The following SS18L2 variants were observed in gnomAD, a reference collection of about 807,000 sequenced individuals.
SS18L2 encodes SS18 like 2, also known as SS18-like protein 2.
In SS18L2, 8 loss-of-function variants were observed where a neutral mutation model predicts 10.3. The observed-to-expected ratio is 0.78, with a 90% CI of 0.46 to 1.41. SS18L2 has a LOEUF of 1.41. Among genes scored for constraint, SS18L2 ranks in the 40% most tolerant of loss-of-function variants. SS18L2 has a pLI of 0.00. For missense variants in SS18L2, 100 were observed against 96.2 expected (o/e 1.04, Z -0.17); for synonymous variants, 41 against 34.6 (o/e 1.19, Z -0.65).
chr3:42,593,410 C>A (rs969678222), intron 2 of SS18L2, among the ~76,000 whole-genome samples: 1 of 152,130 alleles, frequency 6.6e-6, no homozygotes, highest in African/African-American at 2.4e-5. Flanking sequence ...GAGCAAGACT[C>A]CGTCTCAATA....
upstream of SS18L2, among the ~76,000 whole-genome samples, chr3:42,588,861 G>A (rs1704711099): frequency 6.6e-6 from 1 of 152,144 alleles, no homozygotes; most frequent in East Asian, 1.9e-4. Context: ...TCCTGAGGAG[G>A]AAGCCTGATG....
chr3:42,587,483 C>CT (rs1299324778), upstream of SS18L2: 3 of 151,980 alleles, frequency 2.0e-5, no homozygotes, highest in African/African-American at 7.3e-5. Context: ...AATCCCAGCA[C>CT]TTTGGGAGGC....
In SS18L2 at chr3:42,591,384, G is replaced by A. The variant is rs1452863196; in HGVS notation, c.70-141G>A. 3.0e-5 allele frequency: 19 copies of A among 643,194 alleles called. No individual in the cohort carries two copies. The South Asian group carries it at 3.0e-4, about 10-fold the overall frequency. 39.8% of individuals were successfully genotyped at this position (643,194 alleles called of 1,614,324 possible). A position where few individuals can be genotyped will look rare whatever the true frequency, so the allele number is the denominator to read the frequency against. On this transcript the variant is annotated intron_variant, in intron 1 of 2. Coordinates refer to ENST00000011691, the MANE Select transcript of SS18L2 (RefSeq NM_001370300.1). ...CGGCTAATTTTTGTATTTTTAGTAT[G>A]GGGTTTCCCCATGTTGGCCAGGCTA...
At chr3:42,589,695 C>T (rs908338892), upstream of SS18L2, among the ~76,000 whole-genome samples, 6 of 152,178 alleles carry the variant, frequency 3.9e-5, no homozygotes, top group African/African-American at 1.4e-4. Context: ...TTGCGCGCTC[C>T]TAATGAGAAT....
chr3:42,582,807 A>C (rs184627470), intron 1 of SS18L2, among the ~76,000 whole-genome samples: 8 of 152,206 alleles, frequency 5.3e-5, no homozygotes, highest in Non-Finnish European at 1.0e-4. Context: ...TAGCATGTAT[A>C]TAAGAACTCT....
upstream of SS18L2, chr3:42,590,853 G>A (rs373711202): frequency 4.5e-5 from 72 of 1,603,532 alleles, no homozygotes; most frequent in African/African-American, 6.7e-5. Flanking sequence ...CCCACCTATC[G>A]TGGGTCGAGT....
chr3:42,595,015 A>C lies in SS18L2; in HGVS notation c.*506A>C, dbSNP rs1478307367. ...TAAAATACTGATGTGGAGGTATAGA[A>C]GTTTTCATGTAATAAGTATTCCATT... On this transcript the variant is annotated 3_prime_UTR_variant, in exon 3 of 3. Transcript: ENST00000011691. The C allele has an allele frequency of 1.3e-5, 2 of 152,426 alleles. No individual in the cohort carries two copies. Among genetic ancestry groups the C allele is most frequent in the African/African-American group, 4.8e-5 (2 of 41,466 alleles). The allele number at this position is 152,426 out of a possible 1,614,324, so 9.4% of individuals were successfully genotyped here.
At chr3:42,594,088 T>G (rs1340252240) in intron 2 of SS18L2, among the ~76,000 whole-genome samples, 1 of 152,200 alleles carries the variant, frequency 6.6e-6, no homozygotes, top group Non-Finnish European at 1.5e-5. Flanking sequence ...AGGTTTTGAA[T>G]AGACATATAA....
intron 1 of SS18L2, among the ~76,000 whole-genome samples, chr3:42,585,374 C>T (rs1159228039): frequency 6.6e-6 from 1 of 152,160 alleles, no homozygotes; most frequent in African/African-American, 2.4e-5. Flanking sequence ...CTTTCTCTTC[C>T]AGTCCTCTTC....
chr3:42,594,545 T>G lies in SS18L2; in HGVS notation c.*36T>G, dbSNP rs1704971925. 2 of 1,559,386 alleles carry G rather than the reference T, an allele frequency of 1.3e-6. No individual in the cohort carries two copies. Among genetic ancestry groups the G allele is most frequent in the Admixed American group, 1.7e-5 (1 of 59,762 alleles). ...GCAATAGAATAATCTTCCATTTGGC[T>G]GTCGTGAGGAGTAATTGAATGTAAT... On this transcript the variant is annotated 3_prime_UTR_variant, in exon 3 of 3. Transcript: ENST00000011691.
rs776899700 is a variant in SS18L2, at chr3:42,594,524, T to A, written c.*15T>A. 1 of 1,605,480 alleles carries A rather than the reference T, an allele frequency of 6.2e-7. No homozygotes were observed. The highest frequency in any genetic ancestry group is 1.1e-5 in the South Asian group (1 of 90,784). On this transcript the variant is annotated 3_prime_UTR_variant, in exon 3 of 3. Coordinates refer to ENST00000011691, the MANE Select transcript of SS18L2 (RefSeq NM_001370300.1). Reference sequence around the variant, plus strand: ...CAATGGAATAATCTTTCAAAAGCAATAGAATAATCTTCCATTTGGCTGTCG... The same window carrying A: ...CAATGGAATAATCTTTCAAAAGCAAAAGAATAATCTTCCATTTGGCTGTCG...
intron 1 of SS18L2, among the ~76,000 whole-genome samples, chr3:42,585,818 A>C (rs1704591684): frequency 6.6e-6 from 1 of 152,146 alleles, no homozygotes; most frequent in African/African-American, 2.4e-5. Flanking sequence ...ATACATTGTC[A>C]ACTTCAACTA....
At chr3:42,593,280 C>T (rs980730373) in intron 2 of SS18L2, among the ~76,000 whole-genome samples, 1 of 151,994 alleles carries the variant, frequency 6.6e-6, no homozygotes, top group Admixed American at 6.6e-5. Context: ...ATTAGCCAGG[C>T]GTGGTGTGTG....
Position 42,596,758 on chromosome 3 carries a change from CAT to C in SS18L2, c.*2250_*2251del, listed in dbSNP as rs1705044504. ...ACCTTAGAAAGGAGATATTTTATCTCATTTATTTTACAGATGAAGAAAGTAAA... is the reference window on the plus strand; with the variant it reads ...ACCTTAGAAAGGAGATATTTTATCTCTTATTTTACAGATGAAGAAAGTAAA... On this transcript the variant is annotated 3_prime_UTR_variant, in exon 3 of 3. Coordinates refer to ENST00000011691, the MANE Select transcript of SS18L2 (RefSeq NM_001370300.1). Among the ~76,000 whole-genome samples, 2 of 152,108 alleles carry C rather than the reference CAT, an allele frequency of 1.3e-5. No homozygotes were observed. The highest frequency in any genetic ancestry group is 1.3e-4 in the Admixed American group (2 of 15,270).
At chr3:42,584,598 C>T (rs2125734816) in intron 1 of SS18L2, among the ~76,000 whole-genome samples, 1 of 152,230 alleles carries the variant, frequency 6.6e-6, no homozygotes, top group South Asian at 2.1e-4. Flanking sequence ...GGGCGGAAAT[C>T]GAAGTGGGGC....
Position 42,596,069 on chromosome 3 carries a change from C to T in SS18L2, c.*1560C>T, listed in dbSNP as rs771319018. ...TTTTTGAGACGGAATCTCGCTCTGT[C>T]GGAGTGCAGTGGTGCAATTTTGGCT... On this transcript the variant is annotated 3_prime_UTR_variant, in exon 3 of 3. Transcript: ENST00000011691. 1.2e-4 allele frequency among the ~76,000 whole-genome samples: 18 copies of T among 151,352 alleles called. No individual in the cohort carries two copies. The highest frequency in any genetic ancestry group is 2.1e-4 in the South Asian group (1 of 4,810).
rs759754490 is a variant in SS18L2 at position 42,591,553 on chromosome 3, G to T, written c.98G>T (p.Arg33Leu). Residue 33 changes from arginine to leucine, a missense_variant, in exon 2 of 3, where the codon CGC becomes CTC. Transcript: ENST00000011691. ...RLLEENDQLI[R>L]CIVEYQNKGR... The stretch of plus-strand genomic sequence containing the variant: ...CTTGAGGAGAATGACCAGCTGATCC[G>T]CTGTATTGTGGAGTATCAGAACAAG... The T allele has an allele frequency of 6.2e-7, 1 of 1,613,846 alleles. No homozygotes were observed. The highest frequency in any genetic ancestry group is 1.7e-5 in the Admixed American group (1 of 60,024).
chr3:42,585,515 G>T (rs1384047534), intron 1 of SS18L2, among the ~76,000 whole-genome samples: 1 of 152,190 alleles, frequency 6.6e-6, no homozygotes, highest in Non-Finnish European at 1.5e-5. Context: ...TCTCTAGCCT[G>T]CAGAAACTTC....
chr3:42,583,448 A>C (rs1405040625), intron 1 of SS18L2, among the ~76,000 whole-genome samples: 2 of 152,252 alleles, frequency 1.3e-5, no homozygotes, highest in East Asian at 3.8e-4. Flanking sequence ...TGGATGGTGC[A>C]GGGATTCACA....
Sources: gnomAD v4.1 joint callset for allele counts (sites outside exome capture counted in the v4.1 genomes callset) on GRCh38, gnomAD v4.1.1 for gene constraint, MANE v1.5 for transcripts, NCBI Gene and HGNC (gene_info 2026-07-23, HGNC 2026-07-21) for gene names.